The following KIAA0319L variants were observed in gnomAD, a reference collection of about 807,000 sequenced individuals.
The protein encoded by KIAA0319L is dyslexia-associated protein KIAA0319-like protein.
A neutral mutation model predicts 120.1 loss-of-function variants in KIAA0319L; 55 were observed. That is an observed-to-expected ratio of 0.46 (90% CI 0.37 to 0.57). KIAA0319L has a LOEUF of 0.57. Ranked by LOEUF, KIAA0319L falls within the 20% of genes least tolerant of loss-of-function variation. KIAA0319L has a pLI of 0.00. For synonymous variants in KIAA0319L, 398 were observed against 471.9 expected (o/e 0.84, Z 2.03); for missense variants, 1,049 against 1,255.3 (o/e 0.84, Z 2.48).
chr1:35,443,330 A>C, intron 17 of KIAA0319L: 1 of 292,976 alleles, frequency 3.4e-6, no homozygotes, highest in Non-Finnish European at 6.5e-6. Context: ...TAAAATACCT[A>C]TAGTACTTCA....
At chr1:35,553,544 T>A (rs1647470044) in intron 2 of KIAA0319L, among the ~76,000 whole-genome samples, 1 of 152,152 alleles carries the variant, frequency 6.6e-6, no homozygotes, top group African/African-American at 2.4e-5. Flanking sequence ...GCAACAGAAA[T>A]CTTTGTAATT....
At chr1:35,527,455 G>A (rs970263600) in intron 2 of KIAA0319L, among the ~76,000 whole-genome samples, 21 of 152,008 alleles carry the variant, frequency 1.4e-4, no homozygotes, top group African/African-American at 4.6e-4. Flanking sequence ...TCTATTTCTT[G>A]GACTAGTTTG....
intron 2 of KIAA0319L, among the ~76,000 whole-genome samples, chr1:35,521,987 A>C (rs537782124): frequency 6.6e-6 from 1 of 152,220 alleles, no homozygotes; most frequent in East Asian, 1.9e-4. Flanking sequence ...ATAAAAAATA[A>C]AAAATAAATA....
intron 2 of KIAA0319L, among the ~76,000 whole-genome samples, chr1:35,548,079 C>T (rs1441767009): frequency 6.6e-6 from 1 of 151,822 alleles, no homozygotes; most frequent in Non-Finnish European, 1.5e-5. Flanking sequence ...TGAGATCGTA[C>T]CACTGCAGTC....
chr1:35,436,485 G>A (rs756433617), intron 20 of KIAA0319L, among the ~76,000 whole-genome samples: 3 of 152,194 alleles, frequency 2.0e-5, no homozygotes, highest in Non-Finnish European at 4.4e-5. Context: ...ACAGTGGAAA[G>A]GGCCCTGGCA....
At chr1:35,435,566 T>G (rs1470026187) in intron 20 of KIAA0319L, 1 of 154,176 alleles carries the variant, frequency 6.5e-6, no homozygotes, top group Non-Finnish European at 1.4e-5. Flanking sequence ...ATTTGCTCTG[T>G]GGGCTCTTGT....
intron 15 of KIAA0319L, among the ~76,000 whole-genome samples, chr1:35,448,766 G>C (rs961396156): frequency 2.0e-5 from 3 of 152,144 alleles, no homozygotes; most frequent in African/African-American, 4.8e-5. Flanking sequence ...ACAACAATGG[G>C]AGGAAAAGTG....
intron 6 of KIAA0319L, among the ~76,000 whole-genome samples, chr1:35,466,964 C>A (rs1011632683): frequency 6.6e-6 from 1 of 152,032 alleles, no homozygotes; most frequent in South Asian, 2.1e-4. Flanking sequence ...TGGTGGCACA[C>A]ACCTGTAGTC....
At chr1:35,494,635 A>C (rs1570813885) in intron 3 of KIAA0319L, among the ~76,000 whole-genome samples, 1 of 151,762 alleles carries the variant, frequency 6.6e-6, no homozygotes, top group South Asian at 2.1e-4. Context: ...TCTCCGCTAA[A>C]ATAACAAAGG....
At chr1:35,484,802 A>AT (rs1335474741) in intron 3 of KIAA0319L, among the ~76,000 whole-genome samples, 144 of 14,060 alleles carry the variant, frequency 0.01, 1 homozygote, top group Non-Finnish European at 0.015. Context: ...ATATATATAT[A>AT]TATATTTTTT....
intron 18 of KIAA0319L, 122 bp from the exon 19 acceptor site, chr1:35,442,458 G>A: frequency 2.6e-6 from 2 of 764,664 alleles, no homozygotes; most frequent in Non-Finnish European, 4.7e-6. Context: ...AGGCTCCCCA[G>A]GAAGGTAAGA....
At chr1:35,548,076 G>C (rs936722082) in intron 2 of KIAA0319L, among the ~76,000 whole-genome samples, 1 of 151,208 alleles carries the variant, frequency 6.6e-6, no homozygotes, top group African/African-American at 2.4e-5. Context: ...AGCTGAGATC[G>C]TACCACTGCA....
At chr1:35,461,339 G>T (rs1423527621) in intron 8 of KIAA0319L, among the ~76,000 whole-genome samples, 2 of 152,124 alleles carry the variant, frequency 1.3e-5, no homozygotes, top group Non-Finnish European at 2.9e-5. Context: ...GATGGTGCGT[G>T]CCTGTAATCC....
At chr1:35,481,790 C>T (rs1369744066) in intron 3 of KIAA0319L, among the ~76,000 whole-genome samples, 1 of 150,978 alleles carries the variant, frequency 6.6e-6, no homozygotes, top group African/African-American at 2.4e-5. Flanking sequence ...CTCCTCCCCA[C>T]CCTAAGCAAC....
At chr1:35,556,187 G>A (rs183292656) in intron 1 of KIAA0319L, among the ~76,000 whole-genome samples, 72 of 152,326 alleles carry the variant, frequency 4.7e-4, no homozygotes, top group African/African-American at 1.7e-3. Flanking sequence ...CATTTAGGGC[G>A]TTACAAGTAC....
At chr1:35,444,403 C>T in intron 16 of KIAA0319L, 100 bp from the exon 17 acceptor site, 1 of 1,161,386 alleles carries the variant, frequency 8.6e-7, no homozygotes. Context: ...AGACACTGTG[C>T]TAAGTGTTAC....
At chr1:35,519,126 T>C (rs1645807092) in intron 2 of KIAA0319L, among the ~76,000 whole-genome samples, 3 of 152,248 alleles carry the variant, frequency 2.0e-5, no homozygotes, top group Non-Finnish European at 1.5e-5. Flanking sequence ...CCTAAAATTA[T>C]CTTGATTTAA....
intron 9 of KIAA0319L, among the ~76,000 whole-genome samples, chr1:35,459,071 C>T (rs1018103983): frequency 2.6e-5 from 4 of 152,126 alleles, no homozygotes; most frequent in African/African-American, 9.7e-5. Flanking sequence ...GACAGATAGA[C>T]ATGGATAAAC....
intron 2 of KIAA0319L, among the ~76,000 whole-genome samples, chr1:35,552,305 C>T (rs549046408): frequency 6.6e-6 from 1 of 152,218 alleles, no homozygotes; most frequent in Middle Eastern, 3.4e-3. Flanking sequence ...TCGCACTGCG[C>T]CACTGCACTC....
Sources: allele counts gnomAD v4.1 joint callset (sites outside exome capture counted in the v4.1 genomes callset), GRCh38; gene constraint gnomAD v4.1.1; transcripts MANE v1.5; gene names NCBI Gene and HGNC (gene_info 2026-07-23, HGNC 2026-07-21).